The following SORCS2 variants were observed in gnomAD, a reference collection of about 807,000 sequenced individuals.
The protein encoded by SORCS2 is VPS10 domain-containing receptor SorCS2.
Under a neutral mutation model 141.6 loss-of-function variants are expected in SORCS2, and 100 were observed. The ratio of observed to expected loss-of-function variants is 0.71; its 90% CI spans 0.60 to 0.83. The LOEUF (loss-of-function observed/expected upper bound fraction) is 0.83, where lower values mean the gene tolerates loss of function less well. SORCS2 is among the 40% of genes least tolerant of loss of function. The probability of loss-of-function intolerance (pLI) is 0.00; values close to 1 mark genes in which losing one functional copy is unlikely to be tolerated. For synonymous variants in SORCS2, 789 were observed against 676.9 expected, an observed-to-expected ratio of 1.17 and a Z score of -2.57; for missense variants, 1,646 against 1,560.2, an observed-to-expected ratio of 1.05 and a Z score of -0.93.
chr4:7,607,799 TC>T (rs1718155956), intron 3 of SORCS2, among the ~76,000 whole-genome samples: 1 of 151,942 alleles, frequency 6.6e-6, no homozygotes, highest in African/African-American at 2.4e-5. Flanking sequence ...ATTCCCAGGA[TC>T]ACATGGCCAA....
intron 1 of SORCS2, among the ~76,000 whole-genome samples, chr4:7,333,163 C>A (rs533147248): frequency 7.2e-4 from 110 of 152,310 alleles, no homozygotes; most frequent in Non-Finnish European, 1.3e-3. Flanking sequence ...GCCTCTGACC[C>A]CACCCCACTA....
intron 3 of SORCS2, among the ~76,000 whole-genome samples, chr4:7,536,821 A>G (rs957625720): frequency 1.9e-5 from 2 of 103,844 alleles, no homozygotes; most frequent in African/African-American, 6.9e-5. Context: ...GGATGTCCCC[A>G]TACTCAGATG....
chr4:7,615,437 A>G lies in SORCS2; in HGVS notation c.649-22891A>G, dbSNP rs1350832066. 2.0e-5 allele frequency among the ~76,000 whole-genome samples: 3 copies of G among 152,220 alleles called. No homozygotes were observed. The South Asian group carries it at 6.2e-4, about 32-fold the overall frequency. On this transcript the variant is annotated intron_variant, in intron 3 of 26. Transcript: ENST00000507866. ...GTTAACCATTCTCCAGGCATGTGCC[A>G]GGGAGGGAGAGGTGCCTTTTAAAAT... is the stretch of plus-strand genomic sequence containing the variant.
chr4:7,538,593 A>G (rs1344483354), intron 3 of SORCS2, among the ~76,000 whole-genome samples: 1 of 151,884 alleles, frequency 6.6e-6, no homozygotes, highest in African/African-American at 2.4e-5. Context: ...AAAATCACAC[A>G]CACACACACA....
intron 3 of SORCS2, among the ~76,000 whole-genome samples, chr4:7,585,556 G>A (rs554004304): frequency 4.6e-5 from 7 of 152,280 alleles, no homozygotes; most frequent in Admixed American, 2.0e-4. Context: ...GATATCTCTC[G>A]TCTACCACTT....
At chr4:7,335,348 G>T (rs1461380645) in intron 1 of SORCS2, among the ~76,000 whole-genome samples, 5 of 152,248 alleles carry the variant, frequency 3.3e-5, no homozygotes, top group Non-Finnish European at 7.3e-5. Flanking sequence ...TCCCTGGGGA[G>T]TGAAGGGAAT....
chr4:7,718,127 G>A lies in SORCS2; in HGVS notation c.2368G>A (p.Glu790Lys), dbSNP rs752765412. 56 of 1,612,052 alleles carry A rather than the reference G, an allele frequency of 3.5e-5. No homozygotes were observed. The Admixed American group carries it at 6.7e-4, about 19-fold the overall frequency. ...GGGCCTGCAGGTCAGCATTCAAGGC[G>A]AGGCGGTGGCCGTGCGGCCTGGAGA... ...PRGLQVSIQG[E>K]AVAVRPGEDV... The change falls in exon 18 of 27, where the codon GAG becomes AAG. Residue 790 changes from glutamate to lysine, a missense_variant. Coordinates refer to ENST00000507866, the MANE Select transcript of SORCS2 (RefSeq NM_020777.3).
chr4:7,288,618 G>A (rs1303490133), intron 1 of SORCS2, among the ~76,000 whole-genome samples: 4 of 151,084 alleles, frequency 2.6e-5, no homozygotes, highest in Admixed American at 2.6e-4. Flanking sequence ...AGAGGGGAGA[G>A]AAGAGAGAGA....
chr4:7,354,039 C>G (rs1001313794), intron 1 of SORCS2, among the ~76,000 whole-genome samples: 9 of 152,236 alleles, frequency 5.9e-5, no homozygotes, highest in African/African-American at 1.9e-4. Flanking sequence ...TTCTCTCTCT[C>G]TGAAATATAA....
In SORCS2 at chr4:7,569,703, G is replaced by A. The variant is rs149329044; in HGVS notation, c.648+38074G>A. Reference sequence around the variant, plus strand: ...ATCATAAGTCCAGCCACCACAGGGCGGGGCCGTCTGCATATGGGTGCACGT... The same window carrying A: ...ATCATAAGTCCAGCCACCACAGGGCAGGGCCGTCTGCATATGGGTGCACGT... On this transcript the variant is annotated intron_variant, in intron 3 of 26. Transcript: ENST00000507866. Among the ~76,000 whole-genome samples, 949 of 152,250 alleles carry A rather than the reference G, an allele frequency of 6.2e-3. 11 individuals are homozygous for A. Among genetic ancestry groups the A allele is most frequent in the African/African-American group, 0.022 (906 of 41,536 alleles).
At chr4:7,204,081 T>G (rs1452422440) in intron 1 of SORCS2, among the ~76,000 whole-genome samples, 1 of 152,194 alleles carries the variant, frequency 6.6e-6, no homozygotes, top group East Asian at 1.9e-4. Flanking sequence ...GCGTTTGGGT[T>G]GTTTCCACCT....
intron 19 of SORCS2, among the ~76,000 whole-genome samples, chr4:7,724,142 ATGGTCG>A (rs1351262440): frequency 0.065 from 6,459 of 99,330 alleles, 158 homozygotes; most frequent in East Asian, 0.15. Flanking sequence ...GGTGGTGGTG[ATGGTCG>A]TGGTGGTGGT....
At chr4:7,443,282 G>T (rs565463164) in intron 2 of SORCS2, among the ~76,000 whole-genome samples, 40 of 152,330 alleles carry the variant, frequency 2.6e-4, no homozygotes, top group African/African-American at 8.7e-4. Context: ...CTGTGGTTCA[G>T]ATCCAGCCTT....
intron 5 of SORCS2, among the ~76,000 whole-genome samples, chr4:7,657,939 CGAGT>C (rs1313159511): frequency 6.8e-6 from 1 of 146,140 alleles, no homozygotes; most frequent in African/African-American, 2.6e-5. Flanking sequence ...AATAAGTGAC[CGAGT>C]GAGTGGACGA....
intron 2 of SORCS2, among the ~76,000 whole-genome samples, chr4:7,485,504 T>C (rs2013377): frequency 0.23 from 35,127 of 152,256 alleles, 4,900 homozygotes; most frequent in African/African-American, 0.38. Flanking sequence ...TGTCTGCCTT[T>C]GGGGCCCCAT....
chr4:7,245,273 C>A (rs1452495172), intron 1 of SORCS2, among the ~76,000 whole-genome samples: 1 of 152,302 alleles, frequency 6.6e-6, no homozygotes, highest in East Asian at 1.9e-4. Flanking sequence ...CAGTGGTCCA[C>A]CCCCCACCCC....
chr4:7,555,765 C>T (rs1236716831), intron 3 of SORCS2, among the ~76,000 whole-genome samples: 6 of 152,186 alleles, frequency 3.9e-5, no homozygotes, highest in African/African-American at 1.2e-4. Context: ...GCAAAAGTGG[C>T]ATTTGAGCCT....
rs534320277 is a variant in SORCS2, at chr4:7,677,768, C to G, written c.1341+1539C>G. The stretch of plus-strand genomic sequence containing the variant: ...CAATAATAACCCATTTGTCAGGGTT[C>G]ATCTCCCCAGCAGACGATGCAGATG... On this transcript the variant is annotated intron_variant, in intron 9 of 26. Transcript: ENST00000507866. Among the ~76,000 whole-genome samples, 4 of 152,338 alleles carry G rather than the reference C, an allele frequency of 2.6e-5. No homozygotes were observed. The South Asian group carries it at 8.3e-4, about 32-fold the overall frequency.
intron 1 of SORCS2, among the ~76,000 whole-genome samples, chr4:7,221,519 C>T (rs769831044): frequency 3.0e-4 from 45 of 152,240 alleles, no homozygotes; most frequent in Non-Finnish European, 1.5e-5. Context: ...GTTCGGATTA[C>T]CCCAAGTCAC....
Sources: allele counts gnomAD v4.1 joint callset (sites outside exome capture counted in the v4.1 genomes callset), GRCh38; gene constraint gnomAD v4.1.1; transcripts MANE v1.5; gene names NCBI Gene and HGNC (gene_info 2026-07-23, HGNC 2026-07-21).